KLHL7: variants seen among roughly 807,000 people sequenced by gnomAD.
KLHL7 encodes kelch like family member 7.
KLHL7 carries 44 observed loss-of-function variants against 67.4 expected under a neutral mutation model. The ratio of observed to expected loss-of-function variants is 0.65; its 90% CI spans 0.51 to 0.84. The LOEUF is 0.84. KLHL7 is among the 40% of genes least tolerant of loss of function. KLHL7 has a pLI of 0.00. For missense variants in KLHL7, 362 were observed against 718.1 expected, an observed-to-expected ratio of 0.50 and a Z score of 5.67; for synonymous variants, 252 against 243.3, an observed-to-expected ratio of 1.04 and a Z score of -0.33.
chr7:23,135,184 T>A (rs1032859952), intron 4 of KLHL7, among the ~76,000 whole-genome samples: 15 of 152,224 alleles, frequency 9.9e-5, no homozygotes, highest in African/African-American at 3.6e-4. Context: ...ATGTCTTCAG[T>A]GATCCCCTGG....
At chr7:23,120,665 C>T (rs1329230804) in intron 1 of KLHL7, among the ~76,000 whole-genome samples, 1 of 152,154 alleles carries the variant, frequency 6.6e-6, no homozygotes, top group Non-Finnish European at 1.5e-5. Context: ...CTCCTGGGCT[C>T]AAGTGATCCT....
chr7:23,127,880 C>CAA (rs200063955), intron 4 of KLHL7, among the ~76,000 whole-genome samples: 2 of 140,802 alleles, frequency 1.4e-5, no homozygotes, highest in Non-Finnish European at 3.1e-5. Flanking sequence ...TTGGAAAAAA[C>CAA]AAAAAAAAAC....
intron 1 of KLHL7, 148 bp from the exon 2 acceptor site, chr7:23,123,627 AAT>A: frequency 1.5e-6 from 1 of 645,268 alleles, no homozygotes; most frequent in Non-Finnish European, 2.7e-6. Context: ...GTCCTTTCTA[AAT>A]ATGTCTTCAA....
intron 1 of KLHL7, among the ~76,000 whole-genome samples, chr7:23,108,759 CTG>C (rs1025264599): frequency 2.0e-5 from 3 of 152,282 alleles, no homozygotes; most frequent in African/African-American, 7.2e-5. Context: ...TGGGTTTTTC[CTG>C]TGTTTGAACT....
chr7:23,107,925 A>G (rs1261444017), intron 1 of KLHL7, among the ~76,000 whole-genome samples: 1 of 152,244 alleles, frequency 6.6e-6, no homozygotes, highest in Non-Finnish European at 1.5e-5. Context: ...TGTCCTGTTT[A>G]ACATCATAAC....
At chr7:23,157,402 A>G (rs1031324341) in intron 7 of KLHL7, among the ~76,000 whole-genome samples, 4 of 152,200 alleles carry the variant, frequency 2.6e-5, no homozygotes, top group African/African-American at 9.6e-5. Context: ...GTATCCCTTA[A>G]GCTTCCTTAG....
intron 6 of KLHL7, 130 bp from the exon 7 acceptor site, chr7:23,151,937 C>T: frequency 1.2e-6 from 1 of 850,196 alleles, no homozygotes. Flanking sequence ...CCTCACTTTC[C>T]TCAAATGCTA....
chr7:23,127,659 A>G (rs1289515814), intron 4 of KLHL7, among the ~76,000 whole-genome samples: 1 of 151,992 alleles, frequency 6.6e-6, no homozygotes, highest in Non-Finnish European at 1.5e-5. Flanking sequence ...GTAAAAAATT[A>G]AACCCAGTAC....
rs920653837 is a variant in KLHL7, at chr7:23,124,721, A to C, written c.257A>C (p.Glu86Ala). 5 of 1,612,322 alleles carry C rather than the reference A, an allele frequency of 3.1e-6. No individual in the cohort carries two copies. Among genetic ancestry groups the C allele is most frequent in the Non-Finnish European group, 4.2e-6 (5 of 1,178,370 alleles). The change falls in exon 3 of 11, where the codon GAA (glutamate) becomes GCA (alanine). Residue 86 changes from glutamate to alanine, a missense_variant. By Grantham distance (107) the Glu-to-Ala change is moderately radical. Around this residue, in one of 5 missense-constraint regions of KLHL7, gnomAD observed 155 missense variants for 280.8 expected, o/e 0.55. Coordinates refer to ENST00000339077, the MANE Select transcript of KLHL7 (RefSeq NM_001031710.3). The part of the protein sequence containing the change: ...NMLESKSFEV[E>A]LKDAEPDIIE... Reference sequence around the variant, plus strand: ...CTTGAATCAAAGTCCTTTGAAGTAGAACTCAAAGATGCTGAACCTGATATT... The same window carrying C: ...CTTGAATCAAAGTCCTTTGAAGTAGCACTCAAAGATGCTGAACCTGATATT...
At chr7:23,111,111 T>TA (rs1173917396) in intron 1 of KLHL7, among the ~76,000 whole-genome samples, 3 of 152,130 alleles carry the variant, frequency 2.0e-5, no homozygotes, top group Non-Finnish European at 2.9e-5. Context: ...TGGTAGGTAT[T>TA]ACACAGGAGA....
intron 4 of KLHL7, among the ~76,000 whole-genome samples, chr7:23,138,813 G>A (rs1419607949): frequency 2.0e-5 from 3 of 152,140 alleles, no homozygotes; most frequent in East Asian, 1.9e-4. Context: ...TGGGATTACA[G>A]GCATGAGCCA....
chr7:23,105,937 T>G lies in KLHL7; in HGVS notation c.-90T>G. 8 of 1,527,512 alleles carry G rather than the reference T, an allele frequency of 5.2e-6. No homozygotes were observed. The highest frequency in any genetic ancestry group is 7.1e-6 in the Non-Finnish European group (8 of 1,133,216). 94.6% of individuals were successfully genotyped at this position (1,527,512 alleles called of 1,614,324 possible). A position where few individuals can be genotyped will look rare whatever the true frequency, so the allele number is the denominator to read the frequency against. On this transcript the variant is annotated 5_prime_UTR_variant, in exon 1 of 11. Transcript: ENST00000339077. ...GCTGCAGCTGCACTGCCGATCGCCG[T>G]GTTTGGTCGATAGAATCCCCAGTGT...
intron 4 of KLHL7, 189 bp from the exon 5 acceptor site, chr7:23,140,580 A>AG: frequency 1.5e-6 from 1 of 676,912 alleles, no homozygotes; most frequent in Non-Finnish European, 2.6e-6. Context: ...ACAAAAAACA[A>AG]AAAAAAAACC....
intron 1 of KLHL7, among the ~76,000 whole-genome samples, chr7:23,107,284 T>G (rs754687755): frequency 1.3e-5 from 2 of 152,246 alleles, no homozygotes; most frequent in Non-Finnish European, 2.9e-5. Context: ...CTGACTTTCA[T>G]GTATCTATTT....
At chr7:23,116,401 C>T (rs1471881772) in intron 1 of KLHL7, among the ~76,000 whole-genome samples, 2 of 152,236 alleles carry the variant, frequency 1.3e-5, no homozygotes, top group Non-Finnish European at 1.5e-5. Flanking sequence ...CAGACATGTT[C>T]CTTTCTGTCA....
chr7:23,154,525 C>T (rs920535237), intron 7 of KLHL7, among the ~76,000 whole-genome samples: 3 of 152,192 alleles, frequency 2.0e-5, no homozygotes, highest in African/African-American at 7.2e-5. Context: ...TGTCAAGCAA[C>T]ATTTCTTACC....
At chr7:23,139,984 C>G (rs1784121238) in intron 4 of KLHL7, among the ~76,000 whole-genome samples, 1 of 151,150 alleles carries the variant, frequency 6.6e-6, no homozygotes, top group South Asian at 2.1e-4. Context: ...AGGCTATGGG[C>G]TAGATTTTGC....
At chr7:23,138,569 A>C (rs1033460470) in intron 4 of KLHL7, among the ~76,000 whole-genome samples, 2 of 146,474 alleles carry the variant, frequency 1.4e-5, no homozygotes, top group African/African-American at 5.1e-5. Context: ...AGACAGTCTC[A>C]CTTTGTCGCC....
chr7:23,176,674 T>TAA lies in KLHL7; in HGVS notation c.*2393_*2394dup, dbSNP rs527937264. ...GTGACAGACTGAGACCCTGTCTCAT[T>TAA]AAAAAAAAAAAAAAAAAAGCTGGGC... On this transcript the variant is annotated 3_prime_UTR_variant, in exon 11 of 11. Transcript: ENST00000339077. 5.5e-4 allele frequency: 62 copies of TAA among 112,696 alleles called. No homozygotes were observed. Among genetic ancestry groups the TAA allele is most frequent in the East Asian group, 1.5e-3 (6 of 3,942 alleles). The allele number at this position is 112,696 out of a possible 1,614,324, so 7.0% of individuals were successfully genotyped here.
Sources: gnomAD v4.1 joint callset for allele counts (sites outside exome capture counted in the v4.1 genomes callset) on GRCh38, gnomAD v4.1.1 for gene constraint, gnomAD v4.1.1 regional missense constraint, MANE v1.5 for transcripts, NCBI Gene and HGNC (gene_info 2026-07-23, HGNC 2026-07-21) for gene names.